Variants in NRG1 observed in about 807,000 individuals in gnomAD.
The protein encoded by NRG1 is neuregulin 1.
A neutral mutation model predicts 63.8 loss-of-function variants in NRG1; 18 were observed. The observed-to-expected ratio is 0.28, with a 90% CI of 0.19 to 0.42. NRG1 has a LOEUF of 0.42. Among genes scored for constraint, NRG1 ranks in the 10% least tolerant of loss-of-function variants. The pLI is 1.00. For synonymous variants in NRG1, 302 were observed against 301.3 expected, an observed-to-expected ratio of 1.00 and a Z score of -0.02; for missense variants, 762 against 814.7, an observed-to-expected ratio of 0.94 and a Z score of 0.79.
At chr8:31,710,523 G>A (rs907652353) in intron 1 of NRG1, among the ~76,000 whole-genome samples, 5 of 151,648 alleles carry the variant, frequency 3.3e-5, no homozygotes, top group African/African-American at 1.2e-4. Flanking sequence ...TGTAATTTCA[G>A]GTTTGTGAAC....
chr8:32,213,959 T>G (rs1844953937), intron 1 of NRG1, among the ~76,000 whole-genome samples: 1 of 152,102 alleles, frequency 6.6e-6, no homozygotes, highest in Admixed American at 6.5e-5. Flanking sequence ...GGAACGAACT[T>G]TGAGTTTCTA....
chr8:32,052,271 GTTTT>G (rs5890615), intron 1 of NRG1, among the ~76,000 whole-genome samples: 30 of 91,400 alleles, frequency 3.3e-4, no homozygotes, highest in African/African-American at 1.0e-3. Flanking sequence ...CTTTCCTCCT[GTTTT>G]TTTTTTTTTT....
chr8:32,740,577 A>G (rs890218370), intron 6 of NRG1, among the ~76,000 whole-genome samples: 1 of 152,168 alleles, frequency 6.6e-6, no homozygotes, highest in African/African-American at 2.4e-5. Flanking sequence ...AAACAAAAAT[A>G]ATCCGTTTAC....
At chr8:32,654,577 C>T (rs1357739468) in intron 5 of NRG1, among the ~76,000 whole-genome samples, 3 of 151,476 alleles carry the variant, frequency 2.0e-5, no homozygotes, top group Non-Finnish European at 2.9e-5. Context: ...TGCAGTGAGC[C>T]GAGATCGTGC....
chr8:31,667,544 A>T (rs1324332366), intron 1 of NRG1, among the ~76,000 whole-genome samples: 1 of 152,160 alleles, frequency 6.6e-6, no homozygotes, highest in Admixed American at 6.5e-5. Flanking sequence ...TTGTAAATGT[A>T]CCAAGGGAGG....
In NRG1 at chr8:32,382,256, T is replaced by C. The variant is rs1338085125; in HGVS notation, c.38-213572T>C. ...ATCCAGTTCTGTCAGAAGAAATAAG[T>C]AGAAAATAAAGGTGGGTTTGTTGGC... On this transcript the variant is annotated intron_variant, in intron 1 of 10. Coordinates refer to the NRG1 transcript ENST00000519301. Among the ~76,000 whole-genome samples, 8 of 152,108 alleles carry C rather than the reference T, an allele frequency of 5.3e-5. No homozygotes were observed. In the East Asian group the frequency reaches 1.5e-3, roughly 29 times the overall value.
chr8:32,295,330 C>T (rs1854712982), intron 1 of NRG1, among the ~76,000 whole-genome samples: 2 of 152,176 alleles, frequency 1.3e-5, no homozygotes, highest in South Asian at 2.1e-4. Context: ...CATTTTATAA[C>T]ACATCTAGAA....
intron 1 of NRG1, among the ~76,000 whole-genome samples, chr8:31,731,399 G>A (rs1007256378): frequency 7.1e-6 from 1 of 140,948 alleles, no homozygotes; most frequent in Admixed American, 7.5e-5. Context: ...TTTAAAAGTA[G>A]GATACAAAAT....
intron 1 of NRG1, among the ~76,000 whole-genome samples, chr8:31,712,790 A>G (rs1012604596): frequency 6.6e-6 from 1 of 152,052 alleles, no homozygotes; most frequent in Non-Finnish European, 1.5e-5. Flanking sequence ...TGCCTTAGGT[A>G]TATTAGCAGA....
chr8:32,179,961 C>T (rs1841260005), intron 1 of NRG1, among the ~76,000 whole-genome samples: 2 of 152,138 alleles, frequency 1.3e-5, no homozygotes, highest in Admixed American at 6.5e-5. Context: ...ACAAACCCCG[C>T]ACAAATCAGC....
intron 1 of NRG1, among the ~76,000 whole-genome samples, chr8:32,401,419 T>C (rs556454944): frequency 8.7e-4 from 133 of 152,348 alleles, no homozygotes; most frequent in Non-Finnish European, 8.7e-4. Context: ...ATCATTTATC[T>C]ATTTTATTCA....
Position 32,739,259 on chromosome 8 carries a change from A to G in NRG1, c.633-3416A>G, listed in dbSNP as rs1402844927. On this transcript the variant is annotated intron_variant, in intron 6 of 11. Coordinates refer to ENST00000356819, the Ensembl canonical transcript of NRG1. ...TAATCTACATCCACATCTCTTAGGG[A>G]TCTTGTTAAAATGAAGCTTCTTATT... 3.3e-5 allele frequency among the ~76,000 whole-genome samples: 5 copies of G among 151,974 alleles called. No homozygotes were observed. In the East Asian group the frequency reaches 7.7e-4, roughly 23 times the overall value.
intron 1 of NRG1, among the ~76,000 whole-genome samples, chr8:32,495,023 T>G (rs527262831): frequency 6.6e-6 from 1 of 152,330 alleles, no homozygotes; most frequent in South Asian, 2.1e-4. Flanking sequence ...CATAAAAAAT[T>G]TCCCATTCCT....
At chr8:32,741,679 A>T (rs1486289298) in intron 6 of NRG1, among the ~76,000 whole-genome samples, 1 of 152,212 alleles carries the variant, frequency 6.6e-6, no homozygotes, top group African/African-American at 2.4e-5. Context: ...ACATAGTGAG[A>T]ATCAATGATC....
exon 12 of NRG1, chr8:32,763,779 A>T (rs984052611): frequency 6.4e-7 from 1 of 1,571,120 alleles, no homozygotes; most frequent in Admixed American, 1.8e-5. Context: ...CCCGGCTCGT[A>T]TGTCACCTGT....
At chr8:32,498,800 G>C (rs1011963505) in intron 1 of NRG1, among the ~76,000 whole-genome samples, 4 of 152,172 alleles carry the variant, frequency 2.6e-5, no homozygotes, top group African/African-American at 9.7e-5. Flanking sequence ...GTGTGGGGGA[G>C]AGGGCACCTA....
At chr8:32,163,826 G>A (rs907454208) in intron 1 of NRG1, among the ~76,000 whole-genome samples, 9 of 152,308 alleles carry the variant, frequency 5.9e-5, no homozygotes, top group Middle Eastern at 3.4e-3. Context: ...AATTGACAAA[G>A]CTGAGCTGTT....
chr8:32,639,162 T>C (rs1445816620), intron 5 of NRG1, among the ~76,000 whole-genome samples: 4 of 152,102 alleles, frequency 2.6e-5, no homozygotes, highest in African/African-American at 2.4e-5. Context: ...TCCTAGCACT[T>C]TGGGAGGCCG....
At chr8:32,421,418 G>C (rs896687175) in intron 1 of NRG1, among the ~76,000 whole-genome samples, 1 of 152,172 alleles carries the variant, frequency 6.6e-6, no homozygotes. Flanking sequence ...TGAGCCTGGA[G>C]CTTCTCTCTT....
Sources: allele counts gnomAD v4.1 joint callset (sites outside exome capture counted in the v4.1 genomes callset), GRCh38; gene constraint gnomAD v4.1.1; transcripts MANE v1.5; gene names NCBI Gene and HGNC (gene_info 2026-07-23, HGNC 2026-07-21).